Variants in NF1 observed in about 807,000 individuals in gnomAD.
NF1 encodes the protein neurofibromin.
Under a neutral mutation model 325.7 loss-of-function variants are expected in NF1, and 122 were observed. The observed-to-expected ratio is 0.37, with a 90% CI of 0.32 to 0.44. NF1 has a LOEUF of 0.44. NF1 is among the 20% of genes least tolerant of loss of function. NF1 has a pLI of 1.00. For synonymous variants in NF1, 1,091 were observed against 1,186.0 expected (o/e 0.92, Z 1.65); for missense variants, 2,140 against 3,415.4 (o/e 0.63, Z 9.31).
At chr17:31,305,304 A>G (rs1313739259) in intron 36 of NF1, 1 of 1,614,130 alleles carries the variant, frequency 6.2e-7, no homozygotes, top group Admixed American at 1.7e-5. Context: ...TGTTGTAGGC[A>G]AGTGGTTGTC....
intron 57 of NF1, chr17:31,367,116 C>A: frequency 2.1e-6 from 1 of 482,188 alleles, no homozygotes; most frequent in South Asian, 2.6e-5. Context: ...CAGATTCCTT[C>A]TGAAAACCAA....
chr17:31,288,273 C>A (rs1011787927), intron 36 of NF1, among the ~76,000 whole-genome samples: 2 of 151,976 alleles, frequency 1.3e-5, no homozygotes, highest in African/African-American at 2.4e-5. Flanking sequence ...GCTGTTGAAC[C>A]AAACTGACAT....
At chr17:31,098,393 T>G (rs1911965395) in intron 1 of NF1, among the ~76,000 whole-genome samples, 2 of 151,986 alleles carry the variant, frequency 1.3e-5, no homozygotes, top group Non-Finnish European at 2.9e-5. Flanking sequence ...AGACGGAGTT[T>G]CATGATTCTT....
chr17:31,146,808 C>T (rs1335868347), intron 1 of NF1, among the ~76,000 whole-genome samples: 3 of 152,156 alleles, frequency 2.0e-5, no homozygotes, highest in Non-Finnish European at 4.4e-5. Flanking sequence ...CTGATGTGTC[C>T]AGGCCTTCAT....
chr17:31,239,030 A>G (rs2067250157), intron 29 of NF1, among the ~76,000 whole-genome samples: 2 of 152,216 alleles, frequency 1.3e-5, no homozygotes, highest in South Asian at 4.1e-4. Flanking sequence ...CTTTCAACAA[A>G]ACATTACAAT....
At chr17:31,183,008 G>A (rs1296126703) in intron 8 of NF1, 1 of 550,726 alleles carries the variant, frequency 1.8e-6, no homozygotes, top group Non-Finnish European at 3.2e-6. Flanking sequence ...CACTTTTATA[G>A]TGTGTTATTT....
At chr17:31,176,579 C>T (rs1597652342) in intron 5 of NF1, among the ~76,000 whole-genome samples, 1 of 152,096 alleles carries the variant, frequency 6.6e-6, no homozygotes, top group African/African-American at 2.4e-5. Flanking sequence ...TGAAGTCTTT[C>T]CCCATGCCTA....
chr17:31,344,764 T>G (rs763166335), intron 48 of NF1, among the ~76,000 whole-genome samples: 14 of 152,262 alleles, frequency 9.2e-5, no homozygotes, highest in Non-Finnish European at 1.2e-4. Context: ...AAGTGCTTAA[T>G]TATTCTTTAT....
chr17:31,296,989 A>T (rs1006823712), intron 36 of NF1: 2 of 152,434 alleles, frequency 1.3e-5, no homozygotes, highest in African/African-American at 4.8e-5. Flanking sequence ...GTATATTTAC[A>T]GAGTGACTGA....
intron 36 of NF1, among the ~76,000 whole-genome samples, chr17:31,269,292 C>T (rs556513063): frequency 6.6e-6 from 1 of 152,250 alleles, no homozygotes; most frequent in South Asian, 2.1e-4. Context: ...GCCTAATGTA[C>T]TTTTCTAATC....
intron 37 of NF1, 51 bp downstream of exon 37, chr17:31,326,303 C>G (rs2151539318): frequency 6.4e-7 from 1 of 1,557,764 alleles, no homozygotes; most frequent in East Asian, 2.2e-5. Context: ...TCTTGACTAA[C>G]TAGACTATAT....
intron 1 of NF1, among the ~76,000 whole-genome samples, chr17:31,108,960 T>C (rs969482700): frequency 1.3e-5 from 2 of 152,220 alleles, no homozygotes; most frequent in African/African-American, 2.4e-5. Flanking sequence ...TGCATGAAAG[T>C]ATTTTGTCTA....
chr17:31,213,372 G>A (rs1429899786), intron 12 of NF1, among the ~76,000 whole-genome samples: 1 of 152,092 alleles, frequency 6.6e-6, no homozygotes, highest in African/African-American at 2.4e-5. Context: ...AAAACCCTTC[G>A]GTGTTCTTGG....
At chr17:31,312,847 T>C (rs193199173) in intron 36 of NF1, among the ~76,000 whole-genome samples, 1 of 138,774 alleles carries the variant, frequency 7.2e-6, no homozygotes, top group Admixed American at 7.3e-5. Flanking sequence ...CAAGTCTATG[T>C]AAAATACTCT....
intron 29 of NF1, among the ~76,000 whole-genome samples, chr17:31,239,869 TCTC>T (rs369312309): frequency 5.9e-5 from 9 of 152,262 alleles, no homozygotes; most frequent in African/African-American, 2.2e-4. Flanking sequence ...TTCAAGCAAT[TCTC>T]CTTGCCTCAG....
chr17:31,330,278 A>G lies in NF1; in HGVS notation c.5610-18A>G. 1.2e-6 allele frequency: 2 copies of G among 1,611,510 alleles called. No individual in the cohort carries two copies. Among genetic ancestry groups the G allele is most frequent in the Non-Finnish European group, 1.7e-6 (2 of 1,177,684 alleles). ...GAAAAATACGTTTTAAAACAACTTC[A>G]TTTGTGTTTTCTCCTAGGTCAGCTG... is the stretch of plus-strand genomic sequence containing the variant. On this transcript the variant is annotated intron_variant, in intron 38 of 57. Coordinates refer to ENST00000358273, the MANE Select transcript of NF1 (RefSeq NM_001042492.3).
At chr17:31,155,897 G>A (rs2065651661) in intron 1 of NF1, 86 bp from the exon 2 acceptor site, 7 of 1,495,284 alleles carry the variant, frequency 4.7e-6, no homozygotes, top group South Asian at 3.7e-5. Context: ...TTCCTAAAAC[G>A]TCATGATTTT....
chr17:31,362,285 C>T (rs1474550461), intron 57 of NF1: 7 of 985,210 alleles, frequency 7.1e-6, no homozygotes, highest in Non-Finnish European at 8.4e-6. Flanking sequence ...ACTTTTTTTA[C>T]AGATACTGCA....
At chr17:31,272,540 C>T (rs1340906724) in intron 36 of NF1, 1 of 152,284 alleles carries the variant, frequency 6.6e-6, no homozygotes, top group Admixed American at 6.5e-5. Flanking sequence ...AATTTGGAGT[C>T]ATCTTGGGAC....
Sources: gnomAD v4.1 joint callset for allele counts (sites outside exome capture counted in the v4.1 genomes callset) on GRCh38, gnomAD v4.1.1 for gene constraint, MANE v1.5 for transcripts, NCBI Gene and HGNC (gene_info 2026-07-23, HGNC 2026-07-21) for gene names.